Variants in ATRX observed in about 807,000 individuals in gnomAD.
ATRX encodes ATRX chromatin remodeler.
A neutral mutation model predicts 172.6 loss-of-function variants in ATRX; 12 were observed. That is an observed-to-expected ratio of 0.07 (90% CI 0.04 to 0.11). ATRX has a LOEUF of 0.11. ATRX is among the 10% of genes least tolerant of loss of function. The probability of loss-of-function intolerance (pLI) is 1.00; values close to 1 mark genes in which losing one functional copy is unlikely to be tolerated. For missense variants in ATRX, 1,368 were observed against 1,767.4 expected (o/e 0.77, Z 4.05); for synonymous variants, 674 against 594.7 (o/e 1.13, Z -1.94).
At chrX:77,676,094 G>A in intron 10 of ATRX, 132 bp downstream of exon 10, 1 of 546,064 alleles carries the variant, frequency 1.8e-6, no homozygotes, top group Non-Finnish European at 3.0e-6. Context: ...CTTGCAGGAA[G>A]ACTGTGAGCG....
intron 25 of ATRX, chrX:77,595,885 C>T (rs782140992): frequency 2.7e-5 from 3 of 111,559 alleles, no homozygotes; most frequent in South Asian, 3.7e-4. Context: ...CAATTACATA[C>T]GTTTTAAAAT....
chrX:77,616,488 T>C, intron 22 of ATRX, 125 bp downstream of exon 22: 2 of 1,180,775 alleles, frequency 1.7e-6, no homozygotes, highest in Non-Finnish European at 2.3e-6. Context: ...CTTTTAAGCA[T>C]ACCCATTTTA....
At chrX:77,594,988 T>A (rs1465350238) in intron 25 of ATRX, 1 of 111,926 alleles carries the variant, frequency 8.9e-6, no homozygotes, top group Non-Finnish European at 1.9e-5. Context: ...CTAGATTGTT[T>A]CTTGTTTTTG....
chrX:77,730,808 A>G (rs1235478485), intron 1 of ATRX, among the ~76,000 whole-genome samples: 1 of 111,402 alleles, frequency 9.0e-6, no homozygotes, highest in African/African-American at 3.3e-5. Context: ...ACAACATACC[A>G]AAACCTATGG....
intron 30 of ATRX, among the ~76,000 whole-genome samples, chrX:77,533,330 G>A (rs1287181217): frequency 8.9e-6 from 1 of 112,098 alleles, no homozygotes; most frequent in East Asian, 2.8e-4. Context: ...GCATGCGTAT[G>A]TTCACTGCAG....
At chrX:77,681,061 A>T (rs1411114361) in intron 9 of ATRX, among the ~76,000 whole-genome samples, 3 of 111,498 alleles carry the variant, frequency 2.7e-5, no homozygotes, top group Non-Finnish European at 5.7e-5. Flanking sequence ...GAGGTAAATT[A>T]AAAATAATTA....
At position 77,599,526 on chromosome X, in the gene ATRX, G is replaced by A. The variant is rs782557577; in HGVS notation, c.5841C>T (p.Gly1947=). The A allele has an allele frequency of 2.5e-6, 3 of 1,207,076 alleles. No homozygotes were observed. The African/African-American group carries it at 5.3e-5, about 21-fold the overall frequency. The change falls in exon 25 of 35, where the codon GGC becomes GGT. Residue 1947 remains glycine (G), a synonymous_variant. Coordinates refer to ENST00000373344, the MANE Select transcript of ATRX (RefSeq NM_000489.6). ...GKKDSSSSGS[G]SDNDVEVIKV... ...TAATCACTTCAACATCATTGTCACT[G>A]CCACTTCCACTTGAGCTACTATCTT...
intron 19 of ATRX, among the ~76,000 whole-genome samples, chrX:77,624,063 C>G (rs1162765108): frequency 9.0e-6 from 1 of 111,493 alleles, no homozygotes; most frequent in African/African-American, 3.3e-5. Flanking sequence ...AGCAATCAGA[C>G]GAAAGAAATA....
rs782024206 is a variant in ATRX, at chrX:77,683,400, C to G, written c.1856G>C (p.Gly619Ala). The G allele has an allele frequency of 8.3e-7, 1 of 1,210,971 alleles. No homozygotes were observed. Among genetic ancestry groups the G allele is most frequent in the Non-Finnish European group, 1.1e-6 (1 of 894,846 alleles). Residue 619 changes from glycine (G) to alanine (A), a missense_variant, in exon 9 of 35, where the codon GGT becomes GCT. Gly to Ala is a moderately conservative substitution (Grantham distance 60). This residue lies in a region of ATRX where 843 missense variants were observed against 643.1 expected (regional missense o/e 1.31). Transcript: ENST00000373344. ...PQDKDGYKSC[G>A]LNPKLEKCGL... ...ACATTTCTCTAACTTGGGGTTCAGA[C>G]CACAACTTTTATAGCCATCTTTATC... is the stretch of plus-strand genomic sequence containing the variant.
At chrX:77,746,833 CTGTGGCCCAGGCTGGAGTTGCAGT>C (rs1449354009) in intron 1 of ATRX, among the ~76,000 whole-genome samples, 1 of 111,370 alleles carries the variant, frequency 9.0e-6, no homozygotes, top group East Asian at 2.8e-4. Context: ...GAGTCTTGCT[CTGTGGCCCAGGCTGGAGTTGCAGT>C]GGCGCGATCT....
chrX:77,639,242 T>C (rs1557109931), intron 15 of ATRX, among the ~76,000 whole-genome samples: 1 of 112,057 alleles, frequency 8.9e-6, no homozygotes, highest in African/African-American at 3.2e-5. Flanking sequence ...AAGGGAGATA[T>C]TCTAGGTGAG....
chrX:77,684,254 G>C lies in ATRX; in HGVS notation c.1002C>G (p.Ser334=), dbSNP rs1343658181. The C allele has an allele frequency of 1.1e-5, 13 of 1,208,651 alleles. No homozygotes were observed. The highest frequency in any genetic ancestry group is 1.3e-5 in the Non-Finnish European group (12 of 894,028). Residue 334 remains serine, a synonymous_variant, in exon 9 of 35, where the codon TCC becomes TCG. Transcript: ENST00000373344. ...AAGAGTAGGTTACAGAGCCAGAACA[G>C]GAATCATCTAATTTCTTTTCTTCTC... The part of the protein sequence containing the change: ...CNGEEKKLDD[S]CSGSVTYSYS...
intron 30 of ATRX, among the ~76,000 whole-genome samples, chrX:77,527,055 CCT>C (rs2063405466): frequency 8.9e-6 from 1 of 112,507 alleles, no homozygotes; most frequent in Non-Finnish European, 1.9e-5. Context: ...CTACTATAAT[CCT>C]CTTTTCAAAG....
rs782360663 is a variant in ATRX, at chrX:77,772,414, T to C, written c.20+13568A>G. On this transcript the variant is annotated intron_variant, in intron 1 of 34. Coordinates refer to ENST00000373344, the MANE Select transcript of ATRX (RefSeq NM_000489.6). ...TGGGAGGCCGAAGCAGAAGGATTGC[T>C]TGAGGCCAGAAGTTTGAGACCAGCC... Among the ~76,000 whole-genome samples, 5 of 106,320 alleles carry C rather than the reference T, an allele frequency of 4.7e-5. No individual in the cohort carries two copies. In the East Asian group the frequency reaches 1.2e-3, roughly 25 times the overall value. 92.3% of individuals were successfully genotyped at this position (106,320 alleles called of 115,157 possible).
chrX:77,754,740 G>C (rs1217899639), intron 1 of ATRX, among the ~76,000 whole-genome samples: 2 of 111,619 alleles, frequency 1.8e-5, no homozygotes, highest in Non-Finnish European at 3.8e-5. Flanking sequence ...TGGGTAACCC[G>C]ACCTTTCTCT....
At chrX:77,539,215 C>T (rs374531313) in intron 30 of ATRX, among the ~76,000 whole-genome samples, 8 of 110,644 alleles carry the variant, frequency 7.2e-5, no homozygotes, top group African/African-American at 6.6e-5. Context: ...AATAGTTGGG[C>T]GATCCTTTAC....
At position 77,506,767 on chromosome X, in the gene ATRX, G is replaced by GT. The variant is rs1485277764; in HGVS notation, c.*1583dup. On this transcript the variant is annotated 3_prime_UTR_variant, in exon 35 of 35. Coordinates refer to ENST00000373344, the MANE Select transcript of ATRX (RefSeq NM_000489.6). ...TATCACAATCCTAGTGCTCTTGGAT[G>GT]TTTTACCACTAGTTCTTCCAAGATA... 2 of 172,593 alleles carry GT rather than the reference G, an allele frequency of 1.2e-5. No homozygotes were observed. The highest frequency in any genetic ancestry group is 8.1e-5 in the East Asian group (1 of 12,303). The allele number at this position is 172,593 out of a possible 1,213,427, so 14.2% of individuals were successfully genotyped here.
Position 77,618,848 on chromosome X carries a change from T to C in ATRX, c.5406A>G (p.Lys1802=), listed in dbSNP as rs1200376246. ...STMVDVRVMK[K]RAHILYEMLA... ...ACATCTCATAGAGAATGTGAGCACG[T>C]TTTTTCATCACTCTGACATCTACCA... The change falls in exon 21 of 35, where the codon AAA becomes AAG. Residue 1802 remains lysine, a synonymous_variant. Transcript: ENST00000373344. The C allele has an allele frequency of 8.3e-7, 1 of 1,210,227 alleles. No homozygotes were observed. The highest frequency in any genetic ancestry group is 2.2e-5 in the Admixed American group (1 of 46,007).
At chrX:77,573,752 G>A (rs2065504227) in intron 28 of ATRX, among the ~76,000 whole-genome samples, 1 of 111,621 alleles carries the variant, frequency 9.0e-6, no homozygotes, top group Non-Finnish European at 1.9e-5. Flanking sequence ...TTGGAAAACT[G>A]CTTGATAGTT....
Sources: allele counts gnomAD v4.1 joint callset (sites outside exome capture counted in the v4.1 genomes callset), GRCh38; gene constraint gnomAD v4.1.1; regional missense constraint gnomAD v4.1.1; transcripts MANE v1.5; gene names NCBI Gene and HGNC (gene_info 2026-07-23, HGNC 2026-07-21).